The following ZNF385B variants were observed in gnomAD, a reference collection of about 807,000 sequenced individuals.
The protein encoded by ZNF385B is zinc finger protein 385B.
Under a neutral mutation model 39.2 loss-of-function variants are expected in ZNF385B, and 23 were observed. That is an observed-to-expected ratio of 0.59 (90% CI 0.42 to 0.83). ZNF385B has a LOEUF of 0.83. ZNF385B is among the 40% of genes least tolerant of loss of function. The probability of loss-of-function intolerance (pLI) is 0.00; values close to 1 mark genes in which losing one functional copy is unlikely to be tolerated. For synonymous variants in ZNF385B, 205 were observed against 222.6 expected (o/e 0.92, Z 0.70); for missense variants, 552 against 598.9 (o/e 0.92, Z 0.82).
At chr2:179,739,358 C>T (rs924457640) in intron 3 of ZNF385B, among the ~76,000 whole-genome samples, 6 of 152,116 alleles carry the variant, frequency 3.9e-5, no homozygotes, top group African/African-American at 1.4e-4. Flanking sequence ...CGGGGTTTAT[C>T]GATTATAGAA....
intron 3 of ZNF385B, among the ~76,000 whole-genome samples, chr2:179,666,803 G>C (rs1053605680): frequency 9.9e-5 from 15 of 152,160 alleles, no homozygotes; most frequent in Admixed American, 9.2e-4. Flanking sequence ...TCTGATCACA[G>C]AGCTCTTTTC....
At chr2:179,660,507 G>C (rs1224203824) in intron 3 of ZNF385B, among the ~76,000 whole-genome samples, 2 of 151,838 alleles carry the variant, frequency 1.3e-5, no homozygotes, top group African/African-American at 4.8e-5. Context: ...ACTAATATTT[G>C]CTTATCTTTA....
chr2:179,732,397 A>G (rs1054479640), intron 3 of ZNF385B, among the ~76,000 whole-genome samples: 4 of 152,358 alleles, frequency 2.6e-5, no homozygotes, highest in Non-Finnish European at 5.9e-5. Context: ...AAGGGTATGT[A>G]TGACTTGGTG....
At chr2:179,752,621 G>A (rs1286282519) in intron 3 of ZNF385B, among the ~76,000 whole-genome samples, 13 of 152,122 alleles carry the variant, frequency 8.5e-5, no homozygotes, top group South Asian at 8.3e-4. Flanking sequence ...TTTAATGATC[G>A]CCATTCTAAC....
intron 1 of ZNF385B, among the ~76,000 whole-genome samples, chr2:179,787,577 C>A (rs1401199496): frequency 6.6e-6 from 1 of 152,062 alleles, no homozygotes; most frequent in Non-Finnish European, 1.5e-5. Flanking sequence ...GAAAGCCAAT[C>A]GGGAAGGGGG....
chr2:179,723,356 C>T (rs573935914), intron 3 of ZNF385B, among the ~76,000 whole-genome samples: 1 of 152,182 alleles, frequency 6.6e-6, no homozygotes, highest in East Asian at 1.9e-4. Context: ...CGTGAATGTT[C>T]AAACCAGTAT....
chr2:179,753,785 A>T lies in ZNF385B; in HGVS notation c.298+15718T>A, dbSNP rs1358637957. On this transcript the variant is annotated intron_variant, in intron 3 of 9. Coordinates refer to ENST00000410066, the MANE Select transcript of ZNF385B (RefSeq NM_152520.6). ...TGCGATTTTTGCACATTGATTTTAT[A>T]TCCTGAGACTTTGCTGAAGATGCTT... 2.0e-5 allele frequency among the ~76,000 whole-genome samples: 3 copies of T among 152,208 alleles called. No homozygotes were observed. In the South Asian group the frequency reaches 6.2e-4, roughly 31 times the overall value.
At chr2:179,696,012 A>G (rs1698709265) in intron 3 of ZNF385B, among the ~76,000 whole-genome samples, 1 of 152,248 alleles carries the variant, frequency 6.6e-6, no homozygotes, top group Non-Finnish European at 1.5e-5. Flanking sequence ...GTCAGTCACG[A>G]AAGACCAGAC....
chr2:179,611,954 T>C (rs940455908), intron 3 of ZNF385B, among the ~76,000 whole-genome samples: 22 of 152,138 alleles, frequency 1.4e-4, no homozygotes, highest in African/African-American at 5.3e-4. Flanking sequence ...CCCCATCTCC[T>C]CTTCCACCTC....
At chr2:179,611,651 G>A (rs566107742) in intron 3 of ZNF385B, among the ~76,000 whole-genome samples, 1 of 152,216 alleles carries the variant, frequency 6.6e-6, no homozygotes, top group South Asian at 2.1e-4. Flanking sequence ...AAATTCATCA[G>A]TTGTCTCAGG....
At chr2:179,571,156 A>G (rs1430743239) in intron 3 of ZNF385B, among the ~76,000 whole-genome samples, 1 of 152,214 alleles carries the variant, frequency 6.6e-6, no homozygotes, top group African/African-American at 2.4e-5. Context: ...GTGTACACTG[A>G]AAGAATTCCA....
chr2:179,768,657 C>A (rs1703842395), intron 3 of ZNF385B, among the ~76,000 whole-genome samples: 1 of 152,184 alleles, frequency 6.6e-6, no homozygotes, highest in Non-Finnish European at 1.5e-5. Flanking sequence ...TTATCTTGGC[C>A]TCCCACCTCA....
chr2:179,588,245 T>C (rs1007364008), intron 3 of ZNF385B, among the ~76,000 whole-genome samples: 49 of 152,088 alleles, frequency 3.2e-4, no homozygotes, highest in Non-Finnish European at 2.2e-4. Flanking sequence ...CCCGCCACCA[T>C]GCCCGGCTAA....
At chr2:179,729,827 G>T (rs1269011180) in intron 3 of ZNF385B, among the ~76,000 whole-genome samples, 1 of 152,100 alleles carries the variant, frequency 6.6e-6, no homozygotes, top group Admixed American at 6.6e-5. Context: ...AGATCTGATG[G>T]TTTTATAAGT....
rs541353201 is a variant in ZNF385B, at chr2:179,813,458, AT to A, written c.-154-42787del. 2.0e-3 allele frequency among the ~76,000 whole-genome samples: 312 copies of A among 152,328 alleles called. 1 individual carries two copies. Among genetic ancestry groups the A allele is most frequent in the African/African-American group, 7.2e-3 (300 of 41,576 alleles). On this transcript the variant is annotated intron_variant, in intron 1 of 9. Coordinates refer to ENST00000410066, the MANE Select transcript of ZNF385B (RefSeq NM_152520.6). The stretch of plus-strand genomic sequence containing the variant: ...ACTGGAAAAAATTATTACAGCCACT[AT>A]GACAGACAAATGGTTGACAACATTA...
chr2:179,453,924 T>C (rs2050410889), intron 6 of ZNF385B, among the ~76,000 whole-genome samples: 1 of 152,146 alleles, frequency 6.6e-6, no homozygotes, highest in Non-Finnish European at 1.5e-5. Flanking sequence ...ACAACCATAA[T>C]TGTCATTAAG....
At chr2:179,602,846 G>T (rs1002092013) in intron 3 of ZNF385B, among the ~76,000 whole-genome samples, 1 of 152,122 alleles carries the variant, frequency 6.6e-6, no homozygotes, top group African/African-American at 2.4e-5. Flanking sequence ...AAAGGTACAT[G>T]CATTGCCACA....
intron 3 of ZNF385B, among the ~76,000 whole-genome samples, chr2:179,663,465 C>T (rs1465813020): frequency 6.6e-6 from 1 of 152,128 alleles, no homozygotes; most frequent in African/African-American, 2.4e-5. Flanking sequence ...AATCCCAGCA[C>T]TTTGGGAGGC....
rs1450688806 is a variant in ZNF385B at position 179,770,681 on chromosome 2, C to T, written c.-154-9G>A. On this transcript the variant is annotated splice_polypyrimidine_tract_variant and intron_variant, in intron 1 of 9. Transcript: ENST00000410066. ...GTTGAAATGTAGAACATCTGAAATA[C>T]AAAATAATATAAAATTTTAGTAAAC... is the stretch of plus-strand genomic sequence containing the variant. The T allele has an allele frequency of 6.6e-6, 1 of 151,802 alleles. No individual in the cohort carries two copies. Among genetic ancestry groups the T allele is most frequent in the African/African-American group, 2.4e-5 (1 of 41,312 alleles). 9.4% of individuals were successfully genotyped at this position (151,802 alleles called of 1,614,324 possible).
Sources: gnomAD v4.1 joint callset for allele counts (sites outside exome capture counted in the v4.1 genomes callset) on GRCh38, gnomAD v4.1.1 for gene constraint, MANE v1.5 for transcripts, NCBI Gene and HGNC (gene_info 2026-07-23, HGNC 2026-07-21) for gene names.